The following SDK1 variants were observed in gnomAD, a reference collection of about 807,000 sequenced individuals.
SDK1 encodes the protein protein sidekick-1.
Under a neutral mutation model 245.5 loss-of-function variants are expected in SDK1, and 157 were observed. The observed-to-expected ratio is 0.64, with a 90% CI of 0.56 to 0.73. The LOEUF (loss-of-function observed/expected upper bound fraction) is 0.73, where lower values mean the gene tolerates loss of function less well. SDK1 is among the 30% of genes least tolerant of loss of function. SDK1 has a pLI of 0.00. For synonymous variants in SDK1, 1,647 were observed against 1,278.5 expected (o/e 1.29, Z -6.15); for missense variants, 3,583 against 3,002.3 (o/e 1.19, Z -4.52).
intron 9 of SDK1, among the ~76,000 whole-genome samples, chr7:3,965,460 T>C (rs1170032078): frequency 1.3e-5 from 2 of 152,208 alleles, no homozygotes; most frequent in African/African-American, 2.4e-5. Flanking sequence ...TGATTGTGAT[T>C]ATGTTATCTG....
chr7:4,197,316 A>AAAAAGAAAAGAAAG (rs1554257982), intron 35 of SDK1, among the ~76,000 whole-genome samples: 2 of 150,058 alleles, frequency 1.3e-5, no homozygotes, highest in Non-Finnish European at 1.5e-5. Context: ...AAAGAAAAAG[A>AAAAAGAAAAGAAAG]AAAGAAAGAA....
intron 4 of SDK1, among the ~76,000 whole-genome samples, chr7:3,656,474 C>T (rs190251863): frequency 2.6e-5 from 4 of 152,152 alleles, no homozygotes; most frequent in African/African-American, 9.7e-5. Context: ...AAAATTCCCT[C>T]AAAAGCAAAT....
chr7:3,464,188 A>G (rs1562501423), intron 1 of SDK1, among the ~76,000 whole-genome samples: 1 of 152,198 alleles, frequency 6.6e-6, no homozygotes, highest in Non-Finnish European at 1.5e-5. Context: ...TATATGAAGC[A>G]GTTTTTTGGG....
intron 1 of SDK1, among the ~76,000 whole-genome samples, chr7:3,351,789 T>A (rs945566476): frequency 3.9e-5 from 6 of 152,130 alleles, no homozygotes. Flanking sequence ...TGCACAATCC[T>A]AGTGGGAAGT....
At chr7:4,087,466 G>GAC (rs1357807004) in intron 22 of SDK1, among the ~76,000 whole-genome samples, 1 of 125,678 alleles carries the variant, frequency 8.0e-6, no homozygotes, top group African/African-American at 4.3e-5. Context: ...TGTGTGCACA[G>GAC]ACACACACGC....
chr7:3,682,302 G>A (rs1027014541), intron 4 of SDK1, among the ~76,000 whole-genome samples: 3 of 152,162 alleles, frequency 2.0e-5, no homozygotes, highest in African/African-American at 4.8e-5. Flanking sequence ...CTTGTCTTTC[G>A]ATTCTGTCCA....
intron 5 of SDK1, among the ~76,000 whole-genome samples, chr7:3,904,881 TACTCGGGAG>T (rs1374862515): frequency 6.6e-6 from 1 of 151,434 alleles, no homozygotes; most frequent in Non-Finnish European, 1.5e-5. Context: ...TAGTCCCAGC[TACTCGGGAG>T]ACTGAGGCAG....
At chr7:3,304,107 G>T (rs1215272851) in intron 1 of SDK1, among the ~76,000 whole-genome samples, 4 of 152,178 alleles carry the variant, frequency 2.6e-5, no homozygotes, top group African/African-American at 9.7e-5. Context: ...CTAGGTTACA[G>T]ACCCTCTATG....
At chr7:3,495,856 A>G (rs539411162) in intron 1 of SDK1, among the ~76,000 whole-genome samples, 1 of 152,104 alleles carries the variant, frequency 6.6e-6, no homozygotes, top group Admixed American at 6.5e-5. Flanking sequence ...AGAGCCAGGA[A>G]GAGAGATGCC....
At chr7:3,942,953 C>T (rs927750361) in intron 5 of SDK1, among the ~76,000 whole-genome samples, 2 of 152,114 alleles carry the variant, frequency 1.3e-5, no homozygotes, top group African/African-American at 4.8e-5. Context: ...GCAGCTTTGA[C>T]CTCATTGTTT....
At chr7:4,166,410 C>A (rs555310810) in intron 32 of SDK1, among the ~76,000 whole-genome samples, 1 of 152,220 alleles carries the variant, frequency 6.6e-6, no homozygotes, top group African/African-American at 2.4e-5. Context: ...GCAGAAGGAA[C>A]GAAACTAACT....
chr7:4,238,588 G>A (rs1424981866), intron 42 of SDK1, among the ~76,000 whole-genome samples: 1 of 149,614 alleles, frequency 6.7e-6, no homozygotes, highest in African/African-American at 2.5e-5. Context: ...TTGAGATGGA[G>A]TTTCACTCTT....
At position 3,964,059 on chromosome 7, in the gene SDK1, T is replaced by C. The variant is rs914363087; in HGVS notation, c.1429+1208T>C. 2.8e-4 allele frequency among the ~76,000 whole-genome samples: 43 copies of C among 152,264 alleles called. 1 individual carries two copies. The highest frequency in any genetic ancestry group is 2.6e-3 in the Admixed American group (39 of 15,292). The stretch of plus-strand genomic sequence containing the variant: ...CCTGGATGTATCCAGTGGGTACACC[T>C]ATCAGCAAAGCCAGACCTGCTAGAC... On this transcript the variant is annotated intron_variant, in intron 9 of 44. Transcript: ENST00000404826.
At chr7:3,369,540 A>G (rs1446249901) in intron 1 of SDK1, among the ~76,000 whole-genome samples, 3 of 152,196 alleles carry the variant, frequency 2.0e-5, no homozygotes, top group Admixed American at 6.5e-5. Context: ...AAAGTAATAA[A>G]AAGTACCCAA....
chr7:3,403,848 TATATATATATATATATATATA>T (rs1442062577), intron 1 of SDK1, among the ~76,000 whole-genome samples: 36 of 99,286 alleles, frequency 3.6e-4, no homozygotes, highest in African/African-American at 1.4e-3. Flanking sequence ...TATATATATA[TATATATATATATATATATATA>T]ATATATATAT....
intron 1 of SDK1, among the ~76,000 whole-genome samples, chr7:3,359,836 C>G (rs954237972): frequency 3.3e-5 from 5 of 152,264 alleles, no homozygotes; most frequent in African/African-American, 1.2e-4. Flanking sequence ...TAATAAAACC[C>G]TGGAGACAGG....
chr7:4,035,072 G>A (rs1368390047), intron 17 of SDK1, among the ~76,000 whole-genome samples: 5 of 152,126 alleles, frequency 3.3e-5, no homozygotes, highest in Admixed American at 6.5e-5. Context: ...TCCACCTCCC[G>A]GGTTCAAGCA....
chr7:3,705,588 G>C (rs1308173419), intron 4 of SDK1, among the ~76,000 whole-genome samples: 1 of 151,592 alleles, frequency 6.6e-6, no homozygotes. Context: ...GCTACTGATT[G>C]GTATACATTG....
chr7:4,017,026 A>G, intron 16 of SDK1, 145 bp from the exon 17 acceptor site: 1 of 667,266 alleles, frequency 1.5e-6, no homozygotes, highest in Non-Finnish European at 2.3e-6. Context: ...CGAGTTGGGA[A>G]ATAGTATTGT....
Sources: gnomAD v4.1 joint callset for allele counts (sites outside exome capture counted in the v4.1 genomes callset) on GRCh38, gnomAD v4.1.1 for gene constraint, MANE v1.5 for transcripts, NCBI Gene and HGNC (gene_info 2026-07-23, HGNC 2026-07-21) for gene names.